CAPRIN2: variants seen among roughly 807,000 people sequenced by gnomAD.
CAPRIN2 encodes the protein caprin-2.
In CAPRIN2, 66 loss-of-function variants were observed where a neutral mutation model predicts 130.4. The ratio of observed to expected loss-of-function variants is 0.51; its 90% confidence interval spans 0.42 to 0.62. The LOEUF is 0.62. Among genes scored for constraint, CAPRIN2 ranks in the 20% least tolerant of loss-of-function variants. The pLI, the probability that CAPRIN2 is intolerant of heterozygous loss-of-function variation, is 0.00. For synonymous variants in CAPRIN2, 471 were observed against 444.1 expected (o/e 1.06, Z -0.76); for missense variants, 1,185 against 1,246.6 (o/e 0.95, Z 0.74).
intron 2 of CAPRIN2, among the ~76,000 whole-genome samples, chr12:30,750,566 C>T (rs2073253062): frequency 1.3e-5 from 2 of 150,976 alleles, no homozygotes; most frequent in Admixed American, 1.3e-4. Context: ...AGATATCTAT[C>T]AGATAATATG....
chr12:30,723,542 A>G (rs1565589958), intron 10 of CAPRIN2, among the ~76,000 whole-genome samples: 1 of 152,230 alleles, frequency 6.6e-6, no homozygotes, highest in East Asian at 1.9e-4. Context: ...GGTTAAATGG[A>G]CAAAAGTAGC....
exon 16 of CAPRIN2, chr12:30,711,570 C>T (rs1200235220): frequency 6.2e-6 from 10 of 1,612,792 alleles, no homozygotes; most frequent in Middle Eastern, 1.6e-4. Flanking sequence ...CCTTACCTCT[C>T]GAATTTGCTC....
At chr12:30,746,639 G>A (rs1281937931) in intron 2 of CAPRIN2, among the ~76,000 whole-genome samples, 2 of 152,202 alleles carry the variant, frequency 1.3e-5, no homozygotes, top group African/African-American at 4.8e-5. Context: ...ACGTGCACAA[G>A]ATTTGAGTGG....
intron 16 of CAPRIN2, 70 bp downstream of exon 18, chr12:30,711,496 T>C: frequency 8.2e-7 from 1 of 1,220,168 alleles, no homozygotes; most frequent in South Asian, 1.2e-5. Flanking sequence ...TGGAAAGAAC[T>C]TGGTAGAGGA....
chr12:30,729,006 T>C (rs776468844), exon 8 of CAPRIN2: 3 of 1,614,204 alleles, frequency 1.9e-6, no homozygotes, highest in Non-Finnish European at 2.5e-6. Context: ...TTTAGGTGTA[T>C]CTTGCTTCCA....
intron 8 of CAPRIN2, chr12:30,728,232 A>G (rs1172066837): frequency 6.4e-6 from 1 of 156,814 alleles, no homozygotes; most frequent in African/African-American, 2.4e-5. Flanking sequence ...AGGGTGAAAT[A>G]TTTTATACAT....
intron 3 of CAPRIN2, among the ~76,000 whole-genome samples, chr12:30,739,048 A>C (rs989600901): frequency 3.3e-5 from 5 of 152,184 alleles, no homozygotes; most frequent in Non-Finnish European, 7.4e-5. Flanking sequence ...CAATCCCATC[A>C]CTGGTTATAT....
At chr12:30,716,349 G>A in intron 13 of CAPRIN2, 159 bp downstream of exon 15, 3 of 604,898 alleles carry the variant, frequency 5.0e-6, no homozygotes, top group South Asian at 2.3e-5. Flanking sequence ...CACAAAAAAG[G>A]GCATTAGGTT....
chr12:30,711,830 G>A, intron 15 of CAPRIN2: 2 of 683,568 alleles, frequency 2.9e-6, no homozygotes, highest in South Asian at 1.5e-5. Flanking sequence ...TGCTTCACCT[G>A]TTAATTAACC....
At chr12:30,716,473 C>T in intron 13 of CAPRIN2, 35 bp downstream of exon 15, 1 of 1,596,602 alleles carries the variant, frequency 6.3e-7, no homozygotes, top group Non-Finnish European at 8.6e-7. Context: ...GGCTGTCCCT[C>T]TAAGTCTTCC....
At position 30,710,015 on chromosome 12, in the gene CAPRIN2, T is replaced by C. The variant is rs774451227; in HGVS notation, c.3121A>G (p.Ile1041Val). 15 of 1,614,000 alleles carry C rather than the reference T, an allele frequency of 9.3e-6. No individual in the cohort carries two copies. The highest frequency in any genetic ancestry group is 5.5e-5 in the South Asian group (5 of 91,084). Residue 1041 changes from isoleucine (I) to valine (V), a missense_variant, in exon 17 of 17, where the codon ATT becomes GTT. Physicochemically the swap from Ile to Val is conservative, Grantham distance 29. Coordinates refer to ENST00000298892, the Ensembl canonical transcript of CAPRIN2. This position sits in a 1 kb window ranked among gnomAD's most constrained non-coding sequence, Gnocchi z 4.8. ...TGGTCTCCCTGGAAGAGCTGAAGAA[T>C]TGCATGATTGCTAGCAGTTTCATGG...
chr12:30,754,364 A>C (rs2075324702), exon 1 of CAPRIN2: 1 of 152,952 alleles, frequency 6.5e-6, no homozygotes, highest in African/African-American at 2.4e-5. Flanking sequence ...CAAGCACCCG[A>C]GGTATCCCTT....
At chr12:30,731,059 T>C (rs912948808) in intron 6 of CAPRIN2, among the ~76,000 whole-genome samples, 1 of 152,204 alleles carries the variant, frequency 6.6e-6, no homozygotes, top group Non-Finnish European at 1.5e-5. Context: ...CTACTAGTAG[T>C]TTAACAGAGA....
chr12:30,734,899 CAT>C, intron 4 of CAPRIN2, 67 bp downstream of exon 5: 10 of 955,084 alleles, frequency 1.0e-5, no homozygotes, highest in African/African-American at 1.6e-5. Context: ...CTCTCTCTCA[CAT>C]ACACACACCC....
Position 30,723,251 on chromosome 12 carries a change from A to C in CAPRIN2, c.2043+8T>G, listed in dbSNP as rs749993923. On this transcript the variant is annotated splice_region_variant and intron_variant, in intron 11 of 16. Transcript: ENST00000298892. ...AGCAAAGAATAAAAGATTAATTTGG[A>C]AAGTTACCTGTAACGGCTCTTGAAG... The C allele has an allele frequency of 3.8e-6, 6 of 1,598,920 alleles. No homozygotes were observed. In the Admixed American group the frequency reaches 1.0e-4, roughly 27 times the overall value.
intron 7 of CAPRIN2, among the ~76,000 whole-genome samples, chr12:30,729,951 T>C (rs1476096366): frequency 6.6e-6 from 1 of 152,200 alleles, no homozygotes; most frequent in East Asian, 1.9e-4. Context: ...TAGCTATCAT[T>C]TGGGCAGTTC....
chr12:30,720,583 G>T, intron 12 of CAPRIN2: 1 of 340,086 alleles, frequency 2.9e-6, no homozygotes, highest in Non-Finnish European at 5.4e-6. Context: ...GATTAAAAAT[G>T]GACATTTATT....
chr12:30,736,963 G>A (rs2065117212), intron 3 of CAPRIN2, among the ~76,000 whole-genome samples: 1 of 152,156 alleles, frequency 6.6e-6, no homozygotes, highest in African/African-American at 2.4e-5. Context: ...GTGGTCATAT[G>A]GGCTCATGCC....
intron 2 of CAPRIN2, among the ~76,000 whole-genome samples, chr12:30,748,649 T>C (rs1033452286): frequency 9.2e-5 from 14 of 152,176 alleles, no homozygotes; most frequent in African/African-American, 3.4e-4. Context: ...TGGTAACAAT[T>C]CTCTGAAGAT....
Sources: gnomAD v4.1 joint callset for allele counts (sites outside exome capture counted in the v4.1 genomes callset) on GRCh38, gnomAD v4.1.1 for gene constraint, Gnocchi (gnomAD v3.1) non-coding constraint, MANE v1.5 for transcripts, NCBI Gene and HGNC (gene_info 2026-07-23, HGNC 2026-07-21) for gene names.